Variants in TERF2 observed in about 807,000 individuals in gnomAD.
TERF2 encodes the protein telomeric repeat-binding factor 2.
A neutral mutation model predicts 56.1 loss-of-function variants in TERF2; 16 were observed. That is an observed-to-expected ratio of 0.29 (90% CI 0.19 to 0.43). The LOEUF (loss-of-function observed/expected upper bound fraction) is 0.43, where lower values mean the gene tolerates loss of function less well. Among genes scored for constraint, TERF2 ranks in the 20% least tolerant of loss-of-function variants. TERF2 has a pLI of 1.00. For missense variants in TERF2, 547 were observed against 712.9 expected (o/e 0.77, Z 2.65); for synonymous variants, 296 against 282.1 (o/e 1.05, Z -0.50).
chr16:69,356,810 A>AAAG lies in TERF2; in HGVS notation c.*87_*88insCTT. 6.9e-7 allele frequency: 1 copy of AAAG among 1,450,150 alleles called. No homozygotes were observed. Among genetic ancestry groups the AAAG allele is most frequent in the East Asian group, 2.3e-5 (1 of 42,574 alleles). 89.8% of individuals were successfully genotyped at this position (1,450,150 alleles called of 1,614,324 possible). A position where few individuals can be genotyped will look rare whatever the true frequency, so the allele number is the denominator to read the frequency against. On this transcript the variant is annotated 3_prime_UTR_variant, in exon 10 of 10. Transcript: ENST00000254942. Reference sequence around the variant, plus strand: ...GCGAGACTCTGTCTCAAAAAAAAAAAAAAAAGAAAAAGAAAGAAAGAGCAG... The same window carrying AAAG: ...GCGAGACTCTGTCTCAAAAAAAAAAAAAGAAAAAGAAAAAGAAAGAAAGAGCAG...
At chr16:69,360,308 C>G (rs2013085196) in intron 8 of TERF2, among the ~76,000 whole-genome samples, 2 of 151,766 alleles carry the variant, frequency 1.3e-5, no homozygotes. Context: ...TCACTTGAAC[C>G]TGGAAGGCGG....
chr16:69,383,329 C>A (rs2014073573), intron 3 of TERF2, among the ~76,000 whole-genome samples: 1 of 152,116 alleles, frequency 6.6e-6, no homozygotes. Context: ...TGCAAATATT[C>A]CAAAATCTGA....
intron 6 of TERF2, 95 bp downstream of exon 6, chr16:69,368,280 GA>G (rs2013426973): frequency 9.0e-7 from 1 of 1,114,736 alleles, no homozygotes. Flanking sequence ...TAGTAGGTCG[GA>G]GTGCTGAGAG....
Position 69,377,802 on chromosome 16 carries a change from G to A in TERF2, c.607-5447C>T, listed in dbSNP as rs968211744. ...CTTTAAAATGCTGTTTTCATGTGAT[G>A]TATGACTGATTTTTGTGTTGATCTT... On this transcript the variant is annotated intron_variant, in intron 3 of 9. Coordinates refer to ENST00000254942, the MANE Select transcript of TERF2 (RefSeq NM_005652.5). 2.2e-4 allele frequency among the ~76,000 whole-genome samples: 33 copies of A among 150,406 alleles called. 1 individual carries two copies. The highest frequency in any genetic ancestry group is 5.8e-4 in the African/African-American group (24 of 41,048).
At position 69,385,497 on chromosome 16, in the gene TERF2, AG is replaced by A. The variant is rs753600805; in HGVS notation, c.380-12del. ...GCCTGACAAGCAAAGCTGGGAGAGA[AG>A]ACATCGTTGGCTGGGCGACCCCCAG... On this transcript the variant is annotated splice_polypyrimidine_tract_variant and intron_variant, in intron 1 of 9. Transcript: ENST00000254942. 4 of 1,613,904 alleles carry A rather than the reference AG, an allele frequency of 2.5e-6. No homozygotes were observed. The highest frequency in any genetic ancestry group is 1.6e-4 in the Middle Eastern group (1 of 6,062).
intron 3 of TERF2, among the ~76,000 whole-genome samples, chr16:69,373,073 G>A (rs555009269): frequency 7.2e-5 from 11 of 152,212 alleles, no homozygotes; most frequent in Admixed American, 2.0e-4. Flanking sequence ...TACTGTAGGC[G>A]GAAAGAAAGA....
Position 69,373,948 on chromosome 16 carries a change from CTGT to C in TERF2, c.607-1596_607-1594del, listed in dbSNP as rs573992936. Among the ~76,000 whole-genome samples the C allele has an allele frequency of 4.3e-4, 65 of 152,374 alleles. No homozygotes were observed. The South Asian group carries it at 0.012, about 29-fold the overall frequency. ...GCAAGGAAATTCATTAAGTACTAAT[CTGT>C]TGCTTCTATCCTCAACGTGTTAAGC... On this transcript the variant is annotated intron_variant, in intron 3 of 9. Coordinates refer to ENST00000254942, the MANE Select transcript of TERF2 (RefSeq NM_005652.5).
intron 3 of TERF2, among the ~76,000 whole-genome samples, chr16:69,376,570 A>T (rs2013791472): frequency 6.6e-6 from 1 of 151,936 alleles, no homozygotes; most frequent in Non-Finnish European, 1.5e-5. Flanking sequence ...CTGAGGCCAG[A>T]TAGGGTGGCT....
chr16:69,384,446 T>C, intron 3 of TERF2, 134 bp downstream of exon 3: 1 of 910,148 alleles, frequency 1.1e-6, no homozygotes, highest in East Asian at 2.8e-5. Context: ...AACGTCTGTG[T>C]GTGTGCTTTC....
At chr16:69,384,066 G>A (rs542936352) in intron 3 of TERF2, among the ~76,000 whole-genome samples, 8 of 152,188 alleles carry the variant, frequency 5.3e-5, no homozygotes, top group Middle Eastern at 3.4e-3. Context: ...TGCCTGTGCC[G>A]GATTTCTATC....
chr16:69,378,567 T>C (rs957092239), intron 3 of TERF2, among the ~76,000 whole-genome samples: 5 of 152,154 alleles, frequency 3.3e-5, no homozygotes, highest in African/African-American at 1.2e-4. Flanking sequence ...GCTCTTTCTG[T>C]TCACACCTGG....
At chr16:69,378,112 A>G (rs2013861469) in intron 3 of TERF2, among the ~76,000 whole-genome samples, 1 of 152,180 alleles carries the variant, frequency 6.6e-6, no homozygotes, top group African/African-American at 2.4e-5. Flanking sequence ...ATCATGAACT[A>G]ATGTTGAATT....
chr16:69,362,720 G>A (rs1047941450), intron 7 of TERF2, among the ~76,000 whole-genome samples: 1 of 152,138 alleles, frequency 6.6e-6, no homozygotes, highest in Admixed American at 6.6e-5. Flanking sequence ...GCATTTACCT[G>A]ATTAATAACT....
intron 3 of TERF2, among the ~76,000 whole-genome samples, chr16:69,373,224 C>G (rs2013643418): frequency 6.6e-6 from 1 of 151,938 alleles, no homozygotes; most frequent in South Asian, 2.1e-4. Context: ...ACTACTGAAG[C>G]CAACAAACCC....
At chr16:69,377,942 C>A (rs1160590365) in intron 3 of TERF2, among the ~76,000 whole-genome samples, 1 of 152,124 alleles carries the variant, frequency 6.6e-6, no homozygotes, top group Middle Eastern at 3.4e-3. Flanking sequence ...GCTTTTTCCC[C>A]CTTGCCTTAT....
intron 3 of TERF2, among the ~76,000 whole-genome samples, chr16:69,381,483 T>A (rs1423311185): frequency 2.0e-5 from 3 of 152,184 alleles, no homozygotes; most frequent in East Asian, 3.9e-4. Flanking sequence ...CCTCTTATTT[T>A]TTTTTTTTTC....
intron 3 of TERF2, among the ~76,000 whole-genome samples, chr16:69,380,649 T>A (rs1045912155): frequency 1.4e-5 from 2 of 145,852 alleles, no homozygotes; most frequent in Non-Finnish European, 3.0e-5. Context: ...AGAGAGAGAC[T>A]ACGTCTAAAA....
Position 69,366,983 on chromosome 16 carries a change from A to G in TERF2, c.1164T>C (p.Gly388=), listed in dbSNP as rs1415045646. 6.2e-7 allele frequency: 1 copy of G among 1,613,990 alleles called. No homozygotes were observed. Among genetic ancestry groups the G allele is most frequent in the Non-Finnish European group, 8.5e-7 (1 of 1,180,010 alleles). ...NESSAPADGE[G]GSELQPKNKR... Reference sequence around the variant, plus strand: ...TGTTCTTGGGCTGCAGTTCCGAGCCACCCTCACCGTCAGCCGGGGCTGAAC... The same window carrying G: ...TGTTCTTGGGCTGCAGTTCCGAGCCGCCCTCACCGTCAGCCGGGGCTGAAC... Residue 388 remains glycine, a synonymous_variant, in exon 7 of 10, where the codon GGT becomes GGC. Coordinates refer to ENST00000254942, the MANE Select transcript of TERF2 (RefSeq NM_005652.5).
intron 8 of TERF2, among the ~76,000 whole-genome samples, chr16:69,359,963 C>T (rs2013070367): frequency 1.3e-5 from 2 of 151,814 alleles, no homozygotes; most frequent in South Asian, 4.2e-4. Flanking sequence ...GAGTTTTGCC[C>T]TCTTGCCCAA....
Sources: allele counts gnomAD v4.1 joint callset (sites outside exome capture counted in the v4.1 genomes callset), GRCh38; gene constraint gnomAD v4.1.1; transcripts MANE v1.5; gene names NCBI Gene and HGNC (gene_info 2026-07-23, HGNC 2026-07-21).